The following TMED6 variants were observed in gnomAD, a reference collection of about 807,000 sequenced individuals.
TMED6 encodes transmembrane emp24 domain-containing protein 6.
Under a neutral mutation model 26.5 loss-of-function variants are expected in TMED6, and 17 were observed. The observed-to-expected ratio is 0.64, with a 90% CI of 0.44 to 0.96. The LOEUF (loss-of-function observed/expected upper bound fraction) is 0.96, where lower values mean the gene tolerates loss of function less well. Among genes scored for constraint, TMED6 ranks in the 40% least tolerant of loss-of-function variants. The pLI, the probability that TMED6 is intolerant of heterozygous loss-of-function variation, is 0.00. For synonymous variants in TMED6, 107 were observed against 106.2 expected, an observed-to-expected ratio of 1.01 and a Z score of -0.04; for missense variants, 309 against 296.5, an observed-to-expected ratio of 1.04 and a Z score of -0.31.
intron 1 of TMED6, among the ~76,000 whole-genome samples, chr16:69,351,136 C>T (rs2012769190): frequency 6.6e-6 from 1 of 152,280 alleles, no homozygotes; most frequent in South Asian, 2.1e-4. Context: ...AGAACCTTTA[C>T]TCCCCCACCC....
rs1475802793 is a variant in TMED6, at chr16:69,343,391, C to T, written c.*16G>A. ...GCCCCAGAAGAAAACAGCCAGGGTG[C>T]TATAGTCACCTTAGCTTAGCATCTT... On this transcript the variant is annotated 3_prime_UTR_variant, in exon 4 of 4. Coordinates refer to ENST00000288025, the MANE Select transcript of TMED6 (RefSeq NM_144676.4). 1 of 1,606,650 alleles carries T rather than the reference C, an allele frequency of 6.2e-7. No individual in the cohort carries two copies. Among genetic ancestry groups the T allele is most frequent in the Non-Finnish European group, 8.5e-7 (1 of 1,174,094 alleles).
At chr16:69,351,260 G>A (rs1039762534) in intron 1 of TMED6, among the ~76,000 whole-genome samples, 1 of 152,058 alleles carries the variant, frequency 6.6e-6, no homozygotes, top group South Asian at 2.1e-4. Flanking sequence ...CCCCAAATCC[G>A]AGTACATGTA....
chr16:69,345,706 A>T lies in TMED6; in HGVS notation c.490-2066T>A, dbSNP rs1320584537. Among the ~76,000 whole-genome samples, 5 of 142,672 alleles carry T rather than the reference A, an allele frequency of 3.5e-5. No individual in the cohort carries two copies. In the East Asian group the frequency reaches 5.9e-4, roughly 17 times the overall value. 93.6% of individuals were successfully genotyped at this position (142,672 alleles called of 152,430 possible). Reference sequence around the variant, plus strand: ...AAAAAAAAAAAAAAAAAAAAAAAAAAGTAAAATGGGCAAAGGATTTTCATT... The same window carrying T: ...AAAAAAAAAAAAAAAAAAAAAAAAATGTAAAATGGGCAAAGGATTTTCATT... On this transcript the variant is annotated intron_variant, in intron 3 of 3. Transcript: ENST00000288025.
At chr16:69,345,855 T>C (rs529176402) in intron 3 of TMED6, among the ~76,000 whole-genome samples, 1 of 152,154 alleles carries the variant, frequency 6.6e-6, no homozygotes, top group South Asian at 2.1e-4. Flanking sequence ...TAAAAAGTTG[T>C]TTTGTTTGTA....
At position 69,349,601 on chromosome 16, in the gene TMED6, T is replaced by G. The variant is rs777958937; in HGVS notation, c.264A>C (p.Ala88=). 2 of 1,614,014 alleles carry G rather than the reference T, an allele frequency of 1.2e-6. No individual in the cohort carries two copies. Among genetic ancestry groups the G allele is most frequent in the Non-Finnish European group, 1.7e-6 (2 of 1,179,934 alleles). Residue 88 remains alanine (A), a synonymous_variant, in exon 2 of 4, where the codon GCA becomes GCC. Transcript: ENST00000288025. The part of the protein sequence containing the change: ...MSHDRHVAAT[A]HNPQGFLIDT... ...CTATGAGAAATCCCTGTGGGTTATG[T>G]GCCGTGGCAGCAACATGCCGGTCAT...
In TMED6 at chr16:69,351,651, G is replaced by A. The variant is rs1245777219; in HGVS notation, c.103C>T (p.Leu35Phe). 3.7e-6 allele frequency: 6 copies of A among 1,614,100 alleles called. No individual in the cohort carries two copies. The highest frequency in any genetic ancestry group is 4.2e-6 in the Non-Finnish European group (5 of 1,180,042). ...TCATATCGATCAGCTCCACGGAAGA[G>A]TGGCTGGTCCCCAGAGCCACTTAGA... is the stretch of plus-strand genomic sequence containing the variant. The part of the protein sequence containing the change: ...EPLSGSGDQP[L>F]FRGADRYDFA... The change falls in exon 1 of 4, where the codon CTC becomes TTC. Residue 35 changes from leucine to phenylalanine, a missense_variant. By Grantham distance (22) the Leu-to-Phe change is conservative (BLOSUM62 0). Transcript: ENST00000288025.
At chr16:69,349,425 T>C (rs2012740286) in intron 2 of TMED6, 100 bp downstream of exon 2, 1 of 1,427,860 alleles carries the variant, frequency 7.0e-7, no homozygotes, top group Non-Finnish European at 9.4e-7. Context: ...AGGCTGAATT[T>C]TTTTCCTACT....
rs761304705 is a variant in TMED6 at position 69,349,540 on chromosome 16, A to T, written c.325T>A (p.Ser109Thr). The T allele has an allele frequency of 3.1e-6, 5 of 1,613,870 alleles. No homozygotes were observed. The highest frequency in any genetic ancestry group is 1.7e-6 in the Non-Finnish European group (2 of 1,179,868). The change falls in exon 2 of 4, where the codon TCT becomes ACT. Residue 109 changes from serine (S) to threonine (T), a missense_variant. Coordinates refer to ENST00000288025, the MANE Select transcript of TMED6 (RefSeq NM_144676.4). ...SQGVRGQINF[S>T]TQETGFYQLC... Reference sequence around the variant, plus strand: ...GAAAACAGACCTGTCTCTTGGGTAGAGAAGTTAATCTGGCCCCGAACACCC... The same window carrying T: ...GAAAACAGACCTGTCTCTTGGGTAGTGAAGTTAATCTGGCCCCGAACACCC...
chr16:69,349,797 T>C, intron 1 of TMED6, 146 bp from the exon 2 acceptor site: 1 of 944,076 alleles, frequency 1.1e-6, no homozygotes, highest in Non-Finnish European at 1.6e-6. Context: ...GGTTTGGAGT[T>C]GATTGGAGGA....
chr16:69,349,719 G>A, intron 1 of TMED6, 68 bp from the exon 2 acceptor site: 1 of 1,574,228 alleles, frequency 6.4e-7, no homozygotes, highest in Non-Finnish European at 8.7e-7. Flanking sequence ...TGAGTGGTAA[G>A]ATTGACGTCC....
chr16:69,350,738 A>G (rs2012763059), intron 1 of TMED6, among the ~76,000 whole-genome samples: 1 of 152,210 alleles, frequency 6.6e-6, no homozygotes, highest in Non-Finnish European at 1.5e-5. Flanking sequence ...GATCTTGATT[A>G]GGCCAGGCCA....
At chr16:69,345,707 GTAAAA>G (rs1173183921) in intron 3 of TMED6, among the ~76,000 whole-genome samples, 1 of 99,614 alleles carries the variant, frequency 1.0e-5, no homozygotes, top group East Asian at 2.8e-4. Context: ...AAAAAAAAAA[GTAAAA>G]TGGGCAAAGG....
chr16:69,348,118 ATTAC>A (rs1206100315), intron 2 of TMED6, 182 bp from the exon 3 acceptor site: 1 of 575,302 alleles, frequency 1.7e-6, no homozygotes, highest in Non-Finnish European at 2.9e-6. Flanking sequence ...TATACTAAAT[ATTAC>A]TTATTATATT....
intron 3 of TMED6, among the ~76,000 whole-genome samples, chr16:69,345,185 G>A (rs913112008): frequency 4.0e-5 from 6 of 151,824 alleles, no homozygotes; most frequent in African/African-American, 1.5e-4. Flanking sequence ...GCCGAGGCAG[G>A]AGAATCGCTT....
At chr16:69,350,109 A>C (rs184128756) in intron 1 of TMED6, among the ~76,000 whole-genome samples, 2 of 151,636 alleles carry the variant, frequency 1.3e-5, no homozygotes, top group African/African-American at 4.8e-5. Flanking sequence ...GTCTCTACTT[A>C]AAAAATACAA....
chr16:69,350,075 G>T (rs560700126), intron 1 of TMED6, among the ~76,000 whole-genome samples: 32 of 151,890 alleles, frequency 2.1e-4, no homozygotes, highest in Non-Finnish European at 4.0e-4. Context: ...TTCGAGACCA[G>T]CCTGGCTAAC....
intron 1 of TMED6, 77 bp from the exon 2 acceptor site, chr16:69,349,728 C>T: frequency 6.4e-7 from 1 of 1,556,054 alleles, no homozygotes. Context: ...AGATTGACGT[C>T]CCACGGTCAT....
Position 69,343,758 on chromosome 16 carries a change from T to G in TMED6, c.490-118A>C, listed in dbSNP as rs961097933. On this transcript the variant is annotated intron_variant, in intron 3 of 3. Coordinates refer to ENST00000288025, the MANE Select transcript of TMED6 (RefSeq NM_144676.4). Reference sequence around the variant, plus strand: ...AATTTACCCATATGATTTTAAGATGTACAATACAATGATAGTTGTTAAATG... The same window carrying G: ...AATTTACCCATATGATTTTAAGATGGACAATACAATGATAGTTGTTAAATG... The G allele has an allele frequency of 1.1e-5, 8 of 755,190 alleles. 1 individual carries two copies. Among genetic ancestry groups the G allele is most frequent in the Non-Finnish European group, 1.8e-5 (8 of 452,060 alleles). 46.8% of individuals were successfully genotyped at this position (755,190 alleles called of 1,614,324 possible).
At position 69,343,426 on chromosome 16, in the gene TMED6, G is replaced by T. The variant is rs1314099676; in HGVS notation, c.704C>A (p.Thr235Lys). The change falls in exon 4 of 4, where the codon ACA becomes AAA. Residue 235 changes from threonine to lysine, a missense_variant. By Grantham distance (78) the Thr-to-Lys change is moderately conservative. Coordinates refer to ENST00000288025, the MANE Select transcript of TMED6 (RefSeq NM_144676.4). ...RLFNVPTTTD[T>K]KKPRC ...CTTAGCTTAGCATCTTGGCTTCTTT[G>T]TATCTGTAGTTGTTGGAACATTGAA... 1 of 1,614,030 alleles carries T rather than the reference G, an allele frequency of 6.2e-7. No individual in the cohort carries two copies. The highest frequency in any genetic ancestry group is 1.3e-5 in the African/African-American group (1 of 74,908).
Sources: allele counts gnomAD v4.1 joint callset (sites outside exome capture counted in the v4.1 genomes callset), GRCh38; gene constraint gnomAD v4.1.1; transcripts MANE v1.5; gene names NCBI Gene and HGNC (gene_info 2026-07-23, HGNC 2026-07-21).